ATP6V1C1: variants seen among roughly 807,000 people sequenced by gnomAD.
ATP6V1C1 encodes ATPase H+ transporting V1 subunit C1.
In ATP6V1C1, 45 loss-of-function variants were observed where a neutral mutation model predicts 53.9. The ratio of observed to expected loss-of-function variants is 0.83; its 90% CI spans 0.66 to 1.07. ATP6V1C1 has a LOEUF of 1.07. ATP6V1C1 is among the 50% of genes least tolerant of loss of function. The pLI is 0.00. For missense variants in ATP6V1C1, 315 were observed against 440.3 expected (o/e 0.72, Z 2.55); for synonymous variants, 153 against 155.2 (o/e 0.99, Z 0.11).
Position 103,072,779 on chromosome 8 carries a change from T to TA in ATP6V1C1, c.*4035dup, listed in dbSNP as rs1292477511. The TA allele has an allele frequency of 1.3e-5, 2 of 152,122 alleles. No homozygotes were observed. Among genetic ancestry groups the TA allele is most frequent in the Non-Finnish European group, 2.9e-5 (2 of 68,024 alleles). The allele number at this position is 152,122 out of a possible 1,614,324, so 9.4% of individuals were successfully genotyped here. A position where few individuals can be genotyped will look rare whatever the true frequency, so the allele number is the denominator to read the frequency against. On this transcript the variant is annotated 3_prime_UTR_variant, in exon 13 of 13. Transcript: ENST00000518738. ...CTTGTGAGAGAAAAAGGGAACAGAGTAAAGCCATGGAAGCCATGAACAGTA... is the reference window on the plus strand; with the variant it reads ...CTTGTGAGAGAAAAAGGGAACAGAGTAAAAGCCATGGAAGCCATGAACAGTA...
At position 103,063,227 on chromosome 8, in the gene ATP6V1C1, T is replaced by A. The variant is rs1354593364; in HGVS notation, c.827T>A (p.Phe276Tyr). The change falls in exon 10 of 13, where the codon TTT becomes TAT. Residue 276 changes from phenylalanine to tyrosine, a missense_variant and splice_region_variant. Phe to Tyr is a conservative substitution (Grantham distance 22). Transcript: ENST00000518738. ...NRLSTDKKKQFGPLVRWLKVN... is the reference protein window; with the variant it reads ...NRLSTDKKKQYGPLVRWLKVN... ...CTTTCTACTGATAAGAAAAAACAAT[T>A]TGTATGTGTTTTTAATATTTAGTAT... The A allele has an allele frequency of 1.3e-6, 2 of 1,572,856 alleles. No individual in the cohort carries two copies. Among genetic ancestry groups the A allele is most frequent in the Middle Eastern group, 1.9e-4 (1 of 5,196 alleles).
At chr8:103,048,357 A>G (rs1407148092) in intron 3 of ATP6V1C1, among the ~76,000 whole-genome samples, 1 of 152,238 alleles carries the variant, frequency 6.6e-6, no homozygotes, top group Non-Finnish European at 1.5e-5. Flanking sequence ...CCTTGTAAAT[A>G]GTAGATGCTC....
chr8:103,035,890 G>C (rs542317688), intron 1 of ATP6V1C1, among the ~76,000 whole-genome samples: 1 of 152,114 alleles, frequency 6.6e-6, no homozygotes, highest in African/African-American at 2.4e-5. Flanking sequence ...GTGTCCTTTC[G>C]TTTGGAGGAA....
intron 3 of ATP6V1C1, among the ~76,000 whole-genome samples, chr8:103,048,254 AT>A (rs1017776003): frequency 2.7e-4 from 41 of 152,176 alleles, no homozygotes; most frequent in South Asian, 1.9e-3. Flanking sequence ...AGTTTTTGCC[AT>A]TTTTTTCCCC....
chr8:103,040,561 G>A (rs555780808), intron 1 of ATP6V1C1, among the ~76,000 whole-genome samples: 6 of 152,096 alleles, frequency 3.9e-5, no homozygotes, highest in African/African-American at 9.7e-5. Flanking sequence ...AAAAAAGTAG[G>A]TACTTCACAT....
intron 1 of ATP6V1C1, among the ~76,000 whole-genome samples, chr8:103,024,768 A>G (rs539401299): frequency 1.3e-5 from 2 of 152,352 alleles, no homozygotes; most frequent in East Asian, 3.9e-4. Flanking sequence ...TCCTATTGAC[A>G]TGAGTGATTC....
chr8:103,064,502 C>G (rs1817455528), intron 10 of ATP6V1C1: 1 of 382,932 alleles, frequency 2.6e-6, no homozygotes, highest in Non-Finnish European at 4.7e-6. Context: ...ATTTTAGTGT[C>G]TGTTGAGATC....
chr8:103,059,895 CACCCACACA>C (rs762981629), intron 8 of ATP6V1C1, among the ~76,000 whole-genome samples: 1 of 31,836 alleles, frequency 3.1e-5, no homozygotes, highest in East Asian at 7.6e-4. Context: ...CACACACACA[CACCCACACA>C]CCCACACACC....
At chr8:103,032,448 G>C (rs1448949059) in intron 1 of ATP6V1C1, among the ~76,000 whole-genome samples, 1 of 152,016 alleles carries the variant, frequency 6.6e-6, no homozygotes, top group Admixed American at 6.6e-5. Context: ...AAAACAGTTT[G>C]TCAGTCTCCC....
chr8:103,033,686 AAT>A (rs2131384434), intron 1 of ATP6V1C1, among the ~76,000 whole-genome samples: 1 of 152,348 alleles, frequency 6.6e-6, no homozygotes, highest in East Asian at 1.9e-4. Context: ...TATGATATAT[AAT>A]GAGACACATA....
At chr8:103,037,070 C>G (rs879292954) in intron 1 of ATP6V1C1, among the ~76,000 whole-genome samples, 4 of 151,274 alleles carry the variant, frequency 2.6e-5, no homozygotes, top group Admixed American at 6.6e-5. Context: ...GCTAAAAAAG[C>G]TAGATTCGCT....
rs546475923 is a variant in ATP6V1C1, at chr8:103,047,430, GCACACA to G, written c.201-1411_201-1406del. Among the ~76,000 whole-genome samples, 404 of 104,938 alleles carry G rather than the reference GCACACA, an allele frequency of 3.8e-3. 1 individual carries two copies. The highest frequency in any genetic ancestry group is 0.013 in the African/African-American group (374 of 28,970). 68.8% of individuals were successfully genotyped at this position (104,938 alleles called of 152,430 possible). A position where few individuals can be genotyped will look rare whatever the true frequency, so the allele number is the denominator to read the frequency against. On this transcript the variant is annotated intron_variant, in intron 3 of 12. Transcript: ENST00000518738. ...TTAAAAAAAAAAAAAAAATGCGCGC[GCACACA>G]CACACACACACACACACACACACAC...
At chr8:103,025,536 G>A (rs916919111) in intron 1 of ATP6V1C1, among the ~76,000 whole-genome samples, 1 of 152,220 alleles carries the variant, frequency 6.6e-6, no homozygotes. Context: ...ATGTTTTAAT[G>A]TAACTCCTTT....
At position 103,070,481 on chromosome 8, in the gene ATP6V1C1, T is replaced by A. The variant is rs1424066500; in HGVS notation, c.*1734T>A. 2.0e-5 allele frequency: 3 copies of A among 152,192 alleles called. No homozygotes were observed. The highest frequency in any genetic ancestry group is 6.5e-5 in the Admixed American group (1 of 15,276). 9.4% of individuals were successfully genotyped at this position (152,192 alleles called of 1,614,324 possible). A position where few individuals can be genotyped will look rare whatever the true frequency, so the allele number is the denominator to read the frequency against. Reference sequence around the variant, plus strand: ...TGGACAAGAGGAAGCTGTGAAAGATTTTGCTATCAGAAAATTTTGGTTCTT... The same window carrying A: ...TGGACAAGAGGAAGCTGTGAAAGATATTGCTATCAGAAAATTTTGGTTCTT... On this transcript the variant is annotated 3_prime_UTR_variant, in exon 13 of 13. Coordinates refer to ENST00000518738, the MANE Select transcript of ATP6V1C1 (RefSeq NM_001695.5).
In ATP6V1C1 at chr8:103,068,734, T is replaced by C; in HGVS notation, c.1136T>C (p.Leu379Pro). 11 of 1,609,256 alleles carry C rather than the reference T, an allele frequency of 6.8e-6. No individual in the cohort carries two copies. Among genetic ancestry groups the C allele is most frequent in the Non-Finnish European group, 9.3e-6 (11 of 1,177,808 alleles). ...TACTACAAGATTGATTGCAACTTGC[T>C]GGAATTCAAGTGAAAATGGGCTCCT... ...YVYYKIDCNL[L>P]EFK The change falls in exon 13 of 13, where the codon CTG (leucine) becomes CCG (proline). Residue 379 changes from leucine (L) to proline (P), a missense_variant. Physicochemically the swap from Leu to Pro is moderately conservative, Grantham distance 98 (BLOSUM62 -3). Transcript: ENST00000518738.
chr8:103,042,541 A>C, intron 3 of ATP6V1C1, 134 bp downstream of exon 3: 1 of 747,416 alleles, frequency 1.3e-6, no homozygotes, highest in Non-Finnish European at 2.2e-6. Flanking sequence ...TTCCCTTCGT[A>C]TATCAATTTT....
intron 1 of ATP6V1C1, among the ~76,000 whole-genome samples, chr8:103,021,681 C>T (rs1172408864): frequency 6.6e-6 from 1 of 151,972 alleles, no homozygotes; most frequent in Non-Finnish European, 1.5e-5. Context: ...GTTTAAAGGC[C>T]TAGGAGCCCC....
At chr8:103,021,854 T>G (rs1816600610) in intron 1 of ATP6V1C1, among the ~76,000 whole-genome samples, 1 of 151,276 alleles carries the variant, frequency 6.6e-6, no homozygotes, top group Admixed American at 6.6e-5. Context: ...TTGGTGAGAG[T>G]CACATAAGGC....
Position 103,066,194 on chromosome 8 carries a change from T to C in ATP6V1C1, c.927-127T>C, listed in dbSNP as rs1817486614. The stretch of plus-strand genomic sequence containing the variant: ...TTTCTATATATATTAGTTGAACTTG[T>C]AAAGGTAAAGGGAGATATTCTCTCC... On this transcript the variant is annotated intron_variant, in intron 11 of 12. Transcript: ENST00000518738. 2.7e-5 allele frequency: 16 copies of C among 581,994 alleles called. No individual in the cohort carries two copies. In the South Asian group the frequency reaches 6.3e-4, roughly 23 times the overall value. 36.1% of individuals were successfully genotyped at this position (581,994 alleles called of 1,614,324 possible).
Sources: gnomAD v4.1 joint callset for allele counts (sites outside exome capture counted in the v4.1 genomes callset) on GRCh38, gnomAD v4.1.1 for gene constraint, MANE v1.5 for transcripts, NCBI Gene and HGNC (gene_info 2026-07-23, HGNC 2026-07-21) for gene names.